Variants in DGKG observed in about 807,000 individuals in gnomAD.
DGKG encodes the protein diacylglycerol kinase gamma, also known as DAG kinase gamma.
In DGKG, 78 loss-of-function variants were observed where a neutral mutation model predicts 105.3. That is an observed-to-expected ratio of 0.74 (90% CI 0.62 to 0.89). The LOEUF is 0.89. Among genes scored for constraint, DGKG ranks in the 40% least tolerant of loss-of-function variants. DGKG has a pLI of 0.00. For missense variants in DGKG, 958 were observed against 1,020.1 expected (o/e 0.94, Z 0.83); for synonymous variants, 346 against 367.1 (o/e 0.94, Z 0.66).
intron 21 of DGKG, among the ~76,000 whole-genome samples, chr3:186,196,008 A>T (rs917410259): frequency 2.0e-5 from 3 of 152,132 alleles, no homozygotes; most frequent in Non-Finnish European, 4.4e-5. Flanking sequence ...ACCCATTAAT[A>T]TAGTCCCCTA....
chr3:186,322,472 G>A (rs1725125596), intron 1 of DGKG, among the ~76,000 whole-genome samples: 1 of 152,030 alleles, frequency 6.6e-6, no homozygotes. Flanking sequence ...CTACCTACTG[G>A]GTACTATGCT....
intron 1 of DGKG, among the ~76,000 whole-genome samples, chr3:186,355,424 T>C (rs1334071581): frequency 1.5e-5 from 2 of 135,148 alleles, no homozygotes; most frequent in Non-Finnish European, 3.2e-5. Flanking sequence ...ACCACCACCA[T>C]GAACACTACT....
chr3:186,237,313 C>A lies in DGKG; in HGVS notation c.1826+5191G>T, dbSNP rs113255655. ...GCCCCACACTTAAGAGGGCTCAGTG[C>A]TTAGTTTAATGCTTTGCTGTCCCAT... is the stretch of plus-strand genomic sequence containing the variant. On this transcript the variant is annotated intron_variant, in intron 20 of 24. Transcript: ENST00000265022. Among the ~76,000 whole-genome samples, 34 of 152,324 alleles carry A rather than the reference C, an allele frequency of 2.2e-4. No individual in the cohort carries two copies. In the Middle Eastern group the frequency reaches 0.01, roughly 46 times the overall value.
chr3:186,297,820 T>C (rs923420891), intron 4 of DGKG, among the ~76,000 whole-genome samples: 1 of 145,290 alleles, frequency 6.9e-6, no homozygotes, highest in African/African-American at 2.6e-5. Context: ...GTCTCCTCTT[T>C]CCCCATCCTG....
intron 1 of DGKG, among the ~76,000 whole-genome samples, chr3:186,324,945 A>T (rs1244019001): frequency 6.6e-6 from 1 of 152,280 alleles, no homozygotes; most frequent in Non-Finnish European, 1.5e-5. Flanking sequence ...ACCTGGATTT[A>T]TCCAATTTAT....
intron 11 of DGKG, among the ~76,000 whole-genome samples, chr3:186,269,758 C>T (rs1034951183): frequency 2.0e-5 from 3 of 152,192 alleles, no homozygotes; most frequent in Non-Finnish European, 4.4e-5. Context: ...GTGCTTTTCA[C>T]ACCTGTTTCC....
chr3:186,271,920 T>C (rs1340999634), intron 11 of DGKG, among the ~76,000 whole-genome samples: 3 of 152,246 alleles, frequency 2.0e-5, no homozygotes, highest in African/African-American at 7.2e-5. Context: ...GCTTCCACTG[T>C]ACCTTCCACA....
intron 16 of DGKG, 73 bp from the exon 17 acceptor site, chr3:186,258,012 A>C: frequency 9.0e-7 from 1 of 1,112,656 alleles, no homozygotes; most frequent in Non-Finnish European, 1.4e-6. Context: ...GTTGAGTCAG[A>C]GTCTGCCCTG....
intron 1 of DGKG, among the ~76,000 whole-genome samples, chr3:186,334,649 C>T (rs1164519968): frequency 6.6e-6 from 1 of 152,178 alleles, no homozygotes; most frequent in Non-Finnish European, 1.5e-5. Context: ...TGGTCCTAAA[C>T]AACTTGCACA....
chr3:186,320,278 C>G, intron 2 of DGKG, 115 bp downstream of exon 2: 1 of 1,241,150 alleles, frequency 8.1e-7, no homozygotes, highest in Non-Finnish European at 1.1e-6. Flanking sequence ...TATAAGCCGT[C>G]AGGCCTGACA....
At chr3:186,170,255 A>G (rs1488118554) in intron 22 of DGKG, among the ~76,000 whole-genome samples, 1 of 152,232 alleles carries the variant, frequency 6.6e-6, no homozygotes, top group African/African-American at 2.4e-5. Flanking sequence ...TTTCCAGATG[A>G]TGAAAAAATG....
At position 186,219,765 on chromosome 3, in the gene DGKG, G is replaced by A. The variant is rs368373381; in HGVS notation, c.1827-7880C>T. Among the ~76,000 whole-genome samples, 7 of 152,148 alleles carry A rather than the reference G, an allele frequency of 4.6e-5. No individual in the cohort carries two copies. In the East Asian group the frequency reaches 1.2e-3, roughly 25 times the overall value. On this transcript the variant is annotated intron_variant, in intron 20 of 24. Coordinates refer to ENST00000265022, the MANE Select transcript of DGKG (RefSeq NM_001346.3). The stretch of plus-strand genomic sequence containing the variant: ...CTCAGAAAAAAAAAGGCTGAGGAAG[G>A]AGGGAGAAACTTGAGTAGGATGTAT...
intron 22 of DGKG, among the ~76,000 whole-genome samples, chr3:186,171,873 A>C (rs1000298233): frequency 1.3e-5 from 2 of 148,306 alleles, no homozygotes; most frequent in African/African-American, 5.0e-5. Context: ...TTTTCCCCCG[A>C]TATTTGGAGT....
In DGKG at chr3:186,203,414, T is replaced by A. The variant is rs1718571988; in HGVS notation, c.1917+8381A>T. ...TGGGGGTTATTTTCTTTTTTGCCCC[T>A]CTGTATTTTAAAATGTTCTGCCATG... is the stretch of plus-strand genomic sequence containing the variant. On this transcript the variant is annotated intron_variant, in intron 21 of 24. Coordinates refer to ENST00000265022, the MANE Select transcript of DGKG (RefSeq NM_001346.3). This position sits in a 1 kb window ranked among gnomAD's most constrained non-coding sequence, Gnocchi z 4.9. Among the ~76,000 whole-genome samples, 1 of 152,202 alleles carries A rather than the reference T, an allele frequency of 6.6e-6. No individual in the cohort carries two copies.
chr3:186,221,687 G>A (rs1381314735), intron 20 of DGKG, among the ~76,000 whole-genome samples: 2 of 152,194 alleles, frequency 1.3e-5, no homozygotes, highest in Non-Finnish European at 2.9e-5. Context: ...AGGTGGGTGA[G>A]GCCTCGTGTT....
intron 5 of DGKG, among the ~76,000 whole-genome samples, chr3:186,294,030 T>TA: frequency 6.6e-6 from 1 of 152,328 alleles, no homozygotes; most frequent in South Asian, 2.1e-4. Context: ...GATTTTACTA[T>TA]AGGGGGCTGA....
rs1722116746 is a variant in DGKG at position 186,267,609 on chromosome 3, G to A, written c.1209+76C>T. 8 of 1,119,736 alleles carry A rather than the reference G, an allele frequency of 7.1e-6. 1 individual carries two copies. Among genetic ancestry groups the A allele is most frequent in the African/African-American group, 3.1e-5 (2 of 65,204 alleles). The allele number at this position is 1,119,736 out of a possible 1,614,324, so 69.4% of individuals were successfully genotyped here. A position where few individuals can be genotyped will look rare whatever the true frequency, so the allele number is the denominator to read the frequency against. ...GTCAGGGAAGCCCTGGGAAGGATGTGAATGTCTGAAAGCTGCCTACATCTG... is the reference window on the plus strand; with the variant it reads ...GTCAGGGAAGCCCTGGGAAGGATGTAAATGTCTGAAAGCTGCCTACATCTG... On this transcript the variant is annotated intron_variant, in intron 13 of 24. Coordinates refer to ENST00000265022, the MANE Select transcript of DGKG (RefSeq NM_001346.3).
At chr3:186,260,656 T>C in intron 15 of DGKG, 143 bp from the exon 16 acceptor site, 1 of 668,650 alleles carries the variant, frequency 1.5e-6, no homozygotes, top group Admixed American at 2.6e-5. Flanking sequence ...GGGAGGGCAC[T>C]GCCTGCTGAC....
chr3:186,256,690 T>G (rs1236795666), intron 17 of DGKG, among the ~76,000 whole-genome samples: 1 of 152,202 alleles, frequency 6.6e-6, no homozygotes, highest in Non-Finnish European at 1.5e-5. Flanking sequence ...CGCTGTAGCT[T>G]TTCTCGAATC....
Sources: gnomAD v4.1 joint callset for allele counts (sites outside exome capture counted in the v4.1 genomes callset) on GRCh38, gnomAD v4.1.1 for gene constraint, Gnocchi (gnomAD v3.1) non-coding constraint, MANE v1.5 for transcripts, NCBI Gene and HGNC (gene_info 2026-07-23, HGNC 2026-07-21) for gene names.